VPS13C: variants seen among roughly 807,000 people sequenced by gnomAD.
VPS13C encodes vacuolar protein sorting 13 homolog C, also known as intermembrane lipid transfer protein VPS13C.
VPS13C carries 358 observed loss-of-function variants against 456.8 expected under a neutral mutation model. That is an observed-to-expected ratio of 0.78 (90% CI 0.72 to 0.86). The LOEUF (loss-of-function observed/expected upper bound fraction) is 0.86. VPS13C is among the 40% of genes least tolerant of loss of function. VPS13C has a pLI of 0.00. For synonymous variants in VPS13C, 1,578 were observed against 1,486.7 expected, an observed-to-expected ratio of 1.06 and a Z score of -1.41; for missense variants, 4,818 against 4,385.4, an observed-to-expected ratio of 1.10 and a Z score of -2.79.
In VPS13C at chr15:62,029,805, G is replaced by A. The variant is rs540418057; in HGVS notation, c.386-1385C>T. 2.6e-5 allele frequency among the ~76,000 whole-genome samples: 4 copies of A among 152,114 alleles called. No individual in the cohort carries two copies. In the South Asian group the frequency reaches 8.3e-4, roughly 32 times the overall value. ...CTACAAAATTCTAATTTTTAACCTA[G>A]CATTCTATCCCCAGACAAATCAAAC... On this transcript the variant is annotated intron_variant, in intron 5 of 84. Transcript: ENST00000644861.
intron 66 of VPS13C, among the ~76,000 whole-genome samples, chr15:61,894,270 T>C (rs995888177): frequency 1.3e-5 from 2 of 151,134 alleles, no homozygotes; most frequent in Non-Finnish European, 2.9e-5. Flanking sequence ...ATTGCACCAC[T>C]GCACTCCAGC....
In VPS13C at chr15:61,936,620, G is replaced by GAAACATCAACTTTTCTCACT; in HGVS notation, c.5712_5731dup (p.Ser1911Ter). On this transcript the variant is annotated stop_gained and frameshift_variant, in exon 48 of 85. Coordinates refer to ENST00000644861, the MANE Select transcript of VPS13C (RefSeq NM_020821.3). LOFTEE classifies it high-confidence loss of function. The stretch of plus-strand genomic sequence containing the variant: ...ACCTTTGAGATGGTCAGGTACACTT[G>GAAACATCAACTTTTCTCACT]AAACATCAACTTTTCTCACTCTTAC... 1 of 1,582,942 alleles carries GAAACATCAACTTTTCTCACT rather than the reference G, an allele frequency of 6.3e-7. No individual in the cohort carries two copies. The highest frequency in any genetic ancestry group is 8.6e-7 in the Non-Finnish European group (1 of 1,168,004).
At chr15:61,877,158 C>G in intron 74 of VPS13C, 104 bp from the exon 75 acceptor site, 1 of 740,076 alleles carries the variant, frequency 1.4e-6, no homozygotes. Context: ...CCAATTCTTT[C>G]ACAATTGACT....
intron 16 of VPS13C, 65 bp from the exon 17 acceptor site, chr15:61,991,867 T>TG (rs1253073300): frequency 6.7e-7 from 1 of 1,503,038 alleles, no homozygotes; most frequent in Non-Finnish European, 8.9e-7. Context: ...AGGTGTAGCC[T>TG]GGGAAAAAAA....
At chr15:61,991,428 T>A (rs1482193151) in intron 17 of VPS13C, among the ~76,000 whole-genome samples, 1 of 152,212 alleles carries the variant, frequency 6.6e-6, no homozygotes, top group Non-Finnish European at 1.5e-5. Context: ...ATCTTTAAAT[T>A]TAAACATTTT....
chr15:62,015,049 C>T (rs1387230313), intron 9 of VPS13C, among the ~76,000 whole-genome samples: 1 of 152,062 alleles, frequency 6.6e-6, no homozygotes, highest in Non-Finnish European at 1.5e-5. Context: ...AATAGTATAC[C>T]TGTTATCAGA....
rs185272698 is a variant in VPS13C at position 61,997,583 on chromosome 15, T to A, written c.1353+2981A>T. Among the ~76,000 whole-genome samples the A allele has an allele frequency of 1.1e-3, 163 of 152,262 alleles. No homozygotes were observed. The Middle Eastern group carries it at 0.014, about 13-fold the overall frequency. ...TCTCTCATCTCACTCAAGCTTGTTC[T>A]CTCCCATCTTCCCCCTCTTATTTGA... On this transcript the variant is annotated intron_variant, in intron 16 of 84. Transcript: ENST00000644861.
At chr15:61,975,475 A>G (rs1339806754) in intron 24 of VPS13C, among the ~76,000 whole-genome samples, 1 of 152,102 alleles carries the variant, frequency 6.6e-6, no homozygotes, top group Non-Finnish European at 1.5e-5. Flanking sequence ...TAAATAGGTA[A>G]GAGGAAAGCA....
Position 61,981,334 on chromosome 15 carries a change from A to AT in VPS13C, c.2166+7dup. On this transcript the variant is annotated splice_region_variant and intron_variant, in intron 22 of 84. Transcript: ENST00000644861. ...GATGGGCAGACAAAAAAACGCATATATACCTACCTGAAATGTACCAAAATC... is the reference window on the plus strand; with the variant it reads ...GATGGGCAGACAAAAAAACGCATATATTACCTACCTGAAATGTACCAAAATC... 1 of 1,603,856 alleles carries AT rather than the reference A, an allele frequency of 6.2e-7. No individual in the cohort carries two copies. The highest frequency in any genetic ancestry group is 8.5e-7 in the Non-Finnish European group (1 of 1,176,858).
chr15:62,009,283 G>A (rs1191749654), intron 13 of VPS13C, among the ~76,000 whole-genome samples: 1 of 151,608 alleles, frequency 6.6e-6, no homozygotes, highest in African/African-American at 2.4e-5. Flanking sequence ...CATCAACACA[G>A]CAACTCTGTG....
Position 61,917,631 on chromosome 15 carries a change from G to T in VPS13C, c.7765C>A (p.Gln2589Lys). 1 of 1,608,312 alleles carries T rather than the reference G, an allele frequency of 6.2e-7. No homozygotes were observed. The highest frequency in any genetic ancestry group is 1.1e-5 in the South Asian group (1 of 90,788). ...FHVPLDSYRC[Q>K]LFIQPAGILE... ...ATTCCAGCTGGCTGGATAAACAATTGACATCTGCAGAAAGAGGAAACAGTG... is the reference window on the plus strand; with the variant it reads ...ATTCCAGCTGGCTGGATAAACAATTTACATCTGCAGAAAGAGGAAACAGTG... Residue 2589 changes from glutamine to lysine, a missense_variant, in exon 60 of 85, where the codon CAA becomes AAA. Transcript: ENST00000644861.
At position 61,927,076 on chromosome 15, in the gene VPS13C, C is replaced by T. The variant is rs1027747605; in HGVS notation, c.6516+15G>A. On this transcript the variant is annotated intron_variant, in intron 52 of 84. Coordinates refer to ENST00000644861, the MANE Select transcript of VPS13C (RefSeq NM_020821.3). The stretch of plus-strand genomic sequence containing the variant: ...CATTCTTCAACCCAAGATTAGGACA[C>T]AAGGTAATTCTTACTGTGGTAATGT... 10 of 1,608,984 alleles carry T rather than the reference C, an allele frequency of 6.2e-6. No individual in the cohort carries two copies. The highest frequency in any genetic ancestry group is 1.3e-5 in the African/African-American group (1 of 74,768).
Position 61,941,891 on chromosome 15 carries a change from A to G in VPS13C, c.5325T>C (p.Asn1775=), listed in dbSNP as rs771128513. The change falls in exon 46 of 85, where the codon AAT becomes AAC. Residue 1775 remains asparagine, a synonymous_variant. Coordinates refer to ENST00000644861, the MANE Select transcript of VPS13C (RefSeq NM_020821.3). ...IIIPQSSVSP[N]AVIADLGLIR... ...TTAAACCCAGATCTGCTATAACAGC[A>G]TTAGGTGATACTGAAGACTGAGGAA... 2 of 1,614,066 alleles carry G rather than the reference A, an allele frequency of 1.2e-6. No homozygotes were observed. The highest frequency in any genetic ancestry group is 1.7e-5 in the Admixed American group (1 of 60,024).
chr15:61,908,851 T>A (rs1160652763), intron 65 of VPS13C, 141 bp downstream of exon 65: 4 of 928,160 alleles, frequency 4.3e-6, no homozygotes, highest in Non-Finnish European at 6.2e-6. Flanking sequence ...TCAAAACATG[T>A]AAGGGTATTA....
chr15:61,945,759 A>G lies in VPS13C; in HGVS notation c.5104T>C (p.Cys1702Arg). 1 of 1,609,490 alleles carries G rather than the reference A, an allele frequency of 6.2e-7. No homozygotes were observed. ...VDGKLSFKVGCIQIVYVHKFF... is the reference protein window; with the variant it reads ...VDGKLSFKVGRIQIVYVHKFF... The stretch of plus-strand genomic sequence containing the variant: ...TTATGAACATAAACAATCTGAATAC[A>G]ACCCACTTTAAAACTAAGTTTGCCG... Residue 1702 changes from cysteine (C) to arginine (R), a missense_variant, in exon 45 of 85, where the codon TGT becomes CGT. Cys to Arg is a radical substitution (Grantham distance 180, BLOSUM62 -3). This residue lies in a region of VPS13C where 4,552 missense variants were observed against 4,130.6 expected (regional missense o/e 1.10). Transcript: ENST00000644861.
Position 61,961,833 on chromosome 15 carries a change from C to T in VPS13C, c.3664G>A (p.Ala1222Thr), listed in dbSNP as rs974613609. 6.2e-7 allele frequency: 1 copy of T among 1,613,884 alleles called. No homozygotes were observed. The highest frequency in any genetic ancestry group is 1.3e-5 in the African/African-American group (1 of 74,894). The change falls in exon 35 of 85, where the codon GCA (alanine) becomes ACA (threonine). Residue 1222 changes from alanine to threonine, a missense_variant. Ala to Thr is a moderately conservative substitution (Grantham distance 58). Transcript: ENST00000644861. ...ESLSAATAQA[A>T]ERAATSVKDL... The stretch of plus-strand genomic sequence containing the variant: ...TTCACACTTGTGGCAGCCCTTTCTG[C>T]AGCCTGGGCAGTGGCAGCACTCAGA...
chr15:62,043,360 C>T (rs993187890), intron 2 of VPS13C, among the ~76,000 whole-genome samples: 1 of 152,208 alleles, frequency 6.6e-6, no homozygotes, highest in Non-Finnish European at 1.5e-5. Flanking sequence ...AATCCCAACA[C>T]TTTGGGAGGC....
intron 57 of VPS13C, 97 bp downstream of exon 57, chr15:61,919,970 C>T: frequency 1.6e-6 from 2 of 1,226,350 alleles, no homozygotes; most frequent in Non-Finnish European, 1.1e-6. Flanking sequence ...GTTGTATCTC[C>T]AGATATCTGC....
At chr15:61,907,944 TA>T (rs1237594898) in intron 65 of VPS13C, among the ~76,000 whole-genome samples, 1 of 152,044 alleles carries the variant, frequency 6.6e-6, no homozygotes, top group Non-Finnish European at 1.5e-5. Flanking sequence ...ATACAATACT[TA>T]AGATATATTA....
Sources: allele counts gnomAD v4.1 joint callset (sites outside exome capture counted in the v4.1 genomes callset), GRCh38; gene constraint gnomAD v4.1.1; regional missense constraint gnomAD v4.1.1; transcripts MANE v1.5; gene names NCBI Gene and HGNC (gene_info 2026-07-23, HGNC 2026-07-21).